ADAMTSL1: variants seen among roughly 807,000 people sequenced by gnomAD.
ADAMTSL1 encodes the protein ADAMTS-like protein 1.
A neutral mutation model predicts 201.8 loss-of-function variants in ADAMTSL1; 126 were observed. That is an observed-to-expected ratio of 0.62 (90% confidence interval 0.54 to 0.72). The LOEUF is 0.72. Ranked by LOEUF, ADAMTSL1 falls within the 30% of genes least tolerant of loss-of-function variation. ADAMTSL1 has a pLI of 0.00. For synonymous variants in ADAMTSL1, 1,121 were observed against 903.4 expected (o/e 1.24, Z -4.32); for missense variants, 2,679 against 2,277.8 (o/e 1.18, Z -3.59).
chr9:18,647,190 AT>A (rs1313934683), intron 7 of ADAMTSL1, among the ~76,000 whole-genome samples: 1 of 152,114 alleles, frequency 6.6e-6, no homozygotes, highest in Admixed American at 6.5e-5. Flanking sequence ...TGCTTGTAGT[AT>A]CCTCTGATGG....
At chr9:18,149,719 C>T (rs146569766) in intron 1 of ADAMTSL1, among the ~76,000 whole-genome samples, 2 of 151,984 alleles carry the variant, frequency 1.3e-5, no homozygotes, top group Non-Finnish European at 2.9e-5. Context: ...TTTTAGAAAG[C>T]TCACTCAAGC....
chr9:18,865,560 G>A (rs1827476027), intron 23 of ADAMTSL1, among the ~76,000 whole-genome samples: 1 of 151,956 alleles, frequency 6.6e-6, no homozygotes, highest in Non-Finnish European at 1.5e-5. Flanking sequence ...TTTCTTATTG[G>A]GTACATCTGT....
At chr9:18,162,576 T>C (rs1021993094) in intron 1 of ADAMTSL1, among the ~76,000 whole-genome samples, 11 of 152,020 alleles carry the variant, frequency 7.2e-5, no homozygotes, top group African/African-American at 1.4e-4. Context: ...AAGTATTTGA[T>C]GGATTGAGCA....
At chr9:18,209,709 C>G (rs1204670692) in intron 2 of ADAMTSL1, among the ~76,000 whole-genome samples, 1 of 152,130 alleles carries the variant, frequency 6.6e-6, no homozygotes, top group Non-Finnish European at 1.5e-5. Context: ...GTAAACACAC[C>G]TCCAACTAAT....
In ADAMTSL1 at chr9:18,294,911, A is replaced by T. The variant is rs10117046; in HGVS notation, c.207+130930A>T. Reference sequence around the variant, plus strand: ...ATTTGGTTATATTAGATAGACTTCTATGTCCTTCTTCTATCTTCCCTCTTC... The same window carrying T: ...ATTTGGTTATATTAGATAGACTTCTTTGTCCTTCTTCTATCTTCCCTCTTC... On this transcript the variant is annotated intron_variant, in intron 2 of 29. Transcript: ENST00000680146. Among the ~76,000 whole-genome samples the T allele has an allele frequency of 7.1e-4, 108 of 151,916 alleles. No homozygotes were observed. The South Asian group carries it at 0.021, about 29-fold the overall frequency.
chr9:18,578,822 T>C lies in ADAMTSL1; in HGVS notation c.474+4556T>C, dbSNP rs58881364. 5.4e-3 allele frequency among the ~76,000 whole-genome samples: 814 copies of C among 151,208 alleles called. 7 individuals are homozygous for C. The highest frequency in any genetic ancestry group is 0.019 in the African/African-American group (782 of 41,096). On this transcript the variant is annotated intron_variant, in intron 4 of 28. Transcript: ENST00000380548. ...TCGCCACACTGACTTCCACAATGGT[T>C]GAACTAGTTTACAGTCCCACCAACA...
At chr9:18,513,528 T>A (rs1188167558) in intron 2 of ADAMTSL1, among the ~76,000 whole-genome samples, 1 of 152,240 alleles carries the variant, frequency 6.6e-6, no homozygotes, top group Non-Finnish European at 1.5e-5. Context: ...TTTGCTTTTG[T>A]TGCTTGTGCT....
intron 1 of ADAMTSL1, among the ~76,000 whole-genome samples, chr9:18,012,563 G>A (rs565493156): frequency 5.9e-5 from 9 of 152,110 alleles, no homozygotes; most frequent in South Asian, 4.2e-4. Context: ...TTCCAACTAC[G>A]GAATTTAAAA....
chr9:18,801,142 C>A (rs1490903579), intron 20 of ADAMTSL1, among the ~76,000 whole-genome samples: 1 of 152,148 alleles, frequency 6.6e-6, no homozygotes, highest in East Asian at 1.9e-4. Flanking sequence ...GCCAACTAAA[C>A]AGAATTTCAA....
chr9:18,622,646 G>T (rs1362399164), intron 5 of ADAMTSL1: 2 of 556,212 alleles, frequency 3.6e-6, no homozygotes, highest in Middle Eastern at 4.7e-4. Flanking sequence ...CATGAGCTTT[G>T]CTGTCCAACA....
At chr9:18,332,903 A>G (rs889792985) in intron 2 of ADAMTSL1, among the ~76,000 whole-genome samples, 20 of 152,302 alleles carry the variant, frequency 1.3e-4, no homozygotes, top group South Asian at 2.1e-4. Flanking sequence ...TATGACCTGC[A>G]TGAGCTTAAC....
At chr9:18,108,988 A>T (rs1041198133) in intron 1 of ADAMTSL1, among the ~76,000 whole-genome samples, 11 of 152,142 alleles carry the variant, frequency 7.2e-5, no homozygotes, top group Admixed American at 2.6e-4. Context: ...GGCTGTAACG[A>T]ATTGATAAGC....
At chr9:18,200,014 A>G (rs1829369429) in intron 2 of ADAMTSL1, among the ~76,000 whole-genome samples, 1 of 152,100 alleles carries the variant, frequency 6.6e-6, no homozygotes, top group South Asian at 2.1e-4. Flanking sequence ...ATGGCTCATA[A>G]TAATGATGGC....
intron 26 of ADAMTSL1, among the ~76,000 whole-genome samples, chr9:18,903,852 A>C (rs1830144520): frequency 7.2e-6 from 1 of 138,028 alleles, no homozygotes; most frequent in East Asian, 2.0e-4. Context: ...CCTTTGGTTG[A>C]AAAAAAAAAA....
At chr9:18,451,792 A>T (rs562846561) in intron 2 of ADAMTSL1, among the ~76,000 whole-genome samples, 1 of 152,370 alleles carries the variant, frequency 6.6e-6, no homozygotes, top group Non-Finnish European at 1.5e-5. Flanking sequence ...TATTTCTTAC[A>T]GTTCTAGAGG....
chr9:18,704,511 C>A (rs1419015731), intron 13 of ADAMTSL1, among the ~76,000 whole-genome samples: 1 of 152,180 alleles, frequency 6.6e-6, no homozygotes, highest in Admixed American at 6.5e-5. Context: ...AGTTAGCAGG[C>A]TAATCATTTG....
intron 2 of ADAMTSL1, among the ~76,000 whole-genome samples, chr9:18,516,859 G>A: frequency 6.6e-6 from 1 of 152,126 alleles, no homozygotes; most frequent in South Asian, 2.1e-4. Context: ...ATAGGAAGAG[G>A]AGCAAAAACT....
intron 1 of ADAMTSL1, among the ~76,000 whole-genome samples, chr9:17,975,807 C>G (rs1384335046): frequency 6.6e-6 from 1 of 152,062 alleles, no homozygotes; most frequent in Admixed American, 6.6e-5. Context: ...GGATCAATGT[C>G]ATAAAGCTTT....
At chr9:18,090,638 T>C (rs1229014434) in intron 1 of ADAMTSL1, among the ~76,000 whole-genome samples, 1 of 152,148 alleles carries the variant, frequency 6.6e-6, no homozygotes, top group African/African-American at 2.4e-5. Context: ...AGAGTTTTAA[T>C]TGCGGAATGT....
Sources: allele counts gnomAD v4.1 joint callset (sites outside exome capture counted in the v4.1 genomes callset), GRCh38; gene constraint gnomAD v4.1.1; transcripts MANE v1.5; gene names NCBI Gene and HGNC (gene_info 2026-07-23, HGNC 2026-07-21).